EGFR: variants seen among roughly 807,000 people sequenced by gnomAD.
EGFR encodes avian erythroblastic leukemia viral (v-erb-b) oncogene homolog.
Under a neutral mutation model 143.0 loss-of-function variants are expected in EGFR, and 58 were observed. The ratio of observed to expected loss-of-function variants is 0.41; its 90% CI spans 0.33 to 0.50. The LOEUF is 0.50. EGFR is among the 20% of genes least tolerant of loss of function. EGFR has a pLI of 0.39. For missense variants in EGFR, 1,307 were observed against 1,579.0 expected (o/e 0.83, Z 2.92); for synonymous variants, 613 against 594.4 (o/e 1.03, Z -0.45).
At chr7:55,129,725 A>G (rs1266595075) in intron 1 of EGFR, among the ~76,000 whole-genome samples, 10 of 152,202 alleles carry the variant, frequency 6.6e-5, no homozygotes, top group African/African-American at 1.9e-4. Context: ...TCTTACTTCA[A>G]TTCCTTTATT....
intron 1 of EGFR, among the ~76,000 whole-genome samples, chr7:55,046,867 A>T (rs1030393696): frequency 1.3e-5 from 2 of 152,198 alleles, no homozygotes; most frequent in African/African-American, 4.8e-5. Context: ...CAGCAGGGGA[A>T]AGCAGGGTAC....
intron 1 of EGFR, among the ~76,000 whole-genome samples, chr7:55,020,595 G>T (rs1199320292): frequency 1.0e-5 from 1 of 96,968 alleles, no homozygotes; most frequent in Non-Finnish European, 2.2e-5. Context: ...CACACACACC[G>T]GATTGCTGTC....
intron 1 of EGFR, among the ~76,000 whole-genome samples, chr7:55,040,836 T>G (rs1007723097): frequency 6.6e-6 from 1 of 152,240 alleles, no homozygotes; most frequent in Non-Finnish European, 1.5e-5. Context: ...ACATTTAGAA[T>G]TCCACTCTAC....
At chr7:55,152,413 T>G in intron 5 of EGFR, 133 bp from the exon 6 acceptor site, 1 of 847,418 alleles carries the variant, frequency 1.2e-6, no homozygotes, top group Non-Finnish European at 2.1e-6. Context: ...TTGACTTAGT[T>G]TGAATGTGGT....
chr7:55,151,457 A>G, intron 5 of EGFR, 95 bp downstream of exon 5: 2 of 1,333,322 alleles, frequency 1.5e-6, no homozygotes, highest in Admixed American at 1.7e-5. Flanking sequence ...TGAAGACTCC[A>G]AAGAGTTACT....
intron 1 of EGFR, among the ~76,000 whole-genome samples, chr7:55,122,967 G>T (rs945145692): frequency 6.6e-6 from 1 of 152,196 alleles, no homozygotes; most frequent in Admixed American, 6.5e-5. Flanking sequence ...ATTAATTAAT[G>T]GTTCACACTA....
At chr7:55,083,633 A>C (rs965522701) in intron 1 of EGFR, among the ~76,000 whole-genome samples, 1 of 152,258 alleles carries the variant, frequency 6.6e-6, no homozygotes, top group African/African-American at 2.4e-5. Context: ...AATTATTTTC[A>C]GGCCAAGGGG....
chr7:55,161,178 T>C (rs1392960201), intron 12 of EGFR, among the ~76,000 whole-genome samples: 5 of 152,310 alleles, frequency 3.3e-5, no homozygotes, highest in Middle Eastern at 3.4e-3. Flanking sequence ...TCTGGTTTAA[T>C]TGATGCCATT....
Position 55,202,581 on chromosome 7 carries a change from C to T in EGFR, c.3227C>T (p.Ala1076Val), listed in dbSNP as rs755868272. The T allele has an allele frequency of 3.7e-6, 6 of 1,613,456 alleles. No homozygotes were observed. The African/African-American group carries it at 8.0e-5, about 22-fold the overall frequency. Residue 1076 changes from alanine to valine, a missense_variant, in exon 27 of 28, where the codon GCC becomes GTC. Physicochemically the swap from Ala to Val is moderately conservative, Grantham distance 64. Transcript: ENST00000275493. Reference protein sequence around the residue: ...LQRYSSDPTGALTEDSIDDTF... With the variant: ...LQRYSSDPTGVLTEDSIDDTF... ...CGATACAGCTCAGACCCCACAGGCG[C>T]CTTGACTGAGGACAGCATAGACGAC...
chr7:55,173,889 G>T, intron 17 of EGFR, 32 bp from the exon 18 acceptor site: 2 of 1,614,184 alleles, frequency 1.2e-6, no homozygotes, highest in South Asian at 2.2e-5. Flanking sequence ...GGGCTGAGGT[G>T]ACCCTTGTCT....
chr7:55,185,446 A>G (rs563643815), intron 20 of EGFR, among the ~76,000 whole-genome samples: 1 of 152,282 alleles, frequency 6.6e-6, no homozygotes, highest in Admixed American at 6.5e-5. Context: ...AGAATAAATC[A>G]CACGGCACAG....
intron 1 of EGFR, among the ~76,000 whole-genome samples, chr7:55,122,494 G>A (rs1793267501): frequency 6.6e-6 from 1 of 152,194 alleles, no homozygotes; most frequent in South Asian, 2.1e-4. Context: ...CCCTCAAGAG[G>A]CAGCCATGGC....
chr7:55,064,214 A>G (rs964110438), intron 1 of EGFR, among the ~76,000 whole-genome samples: 3 of 152,266 alleles, frequency 2.0e-5, no homozygotes, highest in Non-Finnish European at 2.9e-5. Context: ...GGTTGTATGT[A>G]GTATCCACAG....
At chr7:55,142,831 G>A (rs1424950362) in intron 2 of EGFR, among the ~76,000 whole-genome samples, 5 of 152,164 alleles carry the variant, frequency 3.3e-5, no homozygotes. Context: ...CACTCAGCTG[G>A]TCACAGAATT....
At position 55,202,523 on chromosome 7, in the gene EGFR, A is replaced by C; in HGVS notation, c.3169A>C (p.Ser1057Arg). ...VACIDRNGLQSCPIKEDSFLQ... is the reference protein window; with the variant it reads ...VACIDRNGLQRCPIKEDSFLQ... ...CCCTCATTTCCTCCTGCAGCTGCAA[A>C]GCTGTCCCATCAAGGAAGACAGCTT... Residue 1057 changes from serine to arginine, a missense_variant, in exon 27 of 28, where the codon AGC (serine) becomes CGC (arginine). Ser to Arg is a moderately radical substitution (Grantham distance 110, BLOSUM62 -1). Transcript: ENST00000275493. The C allele has an allele frequency of 6.2e-7, 1 of 1,607,536 alleles. No individual in the cohort carries two copies. The highest frequency in any genetic ancestry group is 1.1e-5 in the South Asian group (1 of 89,658).
At chr7:55,166,772 A>G (rs1207133764) in intron 15 of EGFR, among the ~76,000 whole-genome samples, 1 of 129,362 alleles carries the variant, frequency 7.7e-6, no homozygotes, top group African/African-American at 3.3e-5. Flanking sequence ...AGGAGGTGAG[A>G]GTCACAATGT....
Position 55,173,087 on chromosome 7 carries a change from G to A in EGFR, c.2024G>A (p.Arg675Gln), listed in dbSNP as rs150423237. The change falls in exon 17 of 28, where the codon CGG becomes CAG. Residue 675 changes from arginine to glutamine, a missense_variant. This residue lies in a region of EGFR where 348 missense variants were observed against 451.5 expected (regional missense o/e 0.77). Transcript: ENST00000275493. Reference protein sequence around the residue: ...GLFMRRRHIVRKRTLRRLLQE... With the variant: ...GLFMRRRHIVQKRTLRRLLQE... ...TTCATGCGAAGGCGCCACATCGTTC[G>A]GAAGCGCACGCTGCGGAGGCTGCTG... 2.6e-4 allele frequency: 420 copies of A among 1,612,778 alleles called. 1 individual carries two copies. Among genetic ancestry groups the A allele is most frequent in the Admixed American group, 5.3e-4 (32 of 60,018 alleles).
intron 1 of EGFR, among the ~76,000 whole-genome samples, chr7:55,088,631 G>A (rs1274835920): frequency 2.0e-5 from 3 of 152,156 alleles, no homozygotes; most frequent in South Asian, 2.1e-4. Context: ...GACCTTTCCC[G>A]TCATTTGGCT....
chr7:55,147,019 G>A (rs1042242770), intron 4 of EGFR, among the ~76,000 whole-genome samples: 1 of 152,190 alleles, frequency 6.6e-6, no homozygotes, highest in Non-Finnish European at 1.5e-5. Flanking sequence ...AAGAGCTGCT[G>A]TTCATGGGGC....
Sources: allele counts gnomAD v4.1 joint callset (sites outside exome capture counted in the v4.1 genomes callset), GRCh38; gene constraint gnomAD v4.1.1; regional missense constraint gnomAD v4.1.1; transcripts MANE v1.5; gene names NCBI Gene and HGNC (gene_info 2026-07-23, HGNC 2026-07-21).